Variants in KCNMA1 observed in about 807,000 individuals in gnomAD.
KCNMA1 encodes the protein Calcium-activated potassium channel subunit alpha-1.
A neutral mutation model predicts 140.0 loss-of-function variants in KCNMA1; 29 were observed. The ratio of observed to expected loss-of-function variants is 0.21; its 90% CI spans 0.15 to 0.28. The LOEUF is 0.28. Among genes scored for constraint, KCNMA1 ranks in the 10% least tolerant of loss-of-function variants. The pLI is 1.00. For missense variants in KCNMA1, 880 were observed against 1,602.2 expected, an observed-to-expected ratio of 0.55 and a Z score of 7.70; for synonymous variants, 612 against 611.9, an observed-to-expected ratio of 1.00 and a Z score of 0.00.
intron 21 of KCNMA1, among the ~76,000 whole-genome samples, chr10:76,950,381 A>C (rs938357077): frequency 6.6e-6 from 1 of 152,114 alleles, no homozygotes; most frequent in African/African-American, 2.4e-5. Flanking sequence ...CCAACTCCAA[A>C]CCTCTATCTA....
At chr10:77,054,027 A>G (rs1345722498) in intron 14 of KCNMA1, among the ~76,000 whole-genome samples, 1 of 152,030 alleles carries the variant, frequency 6.6e-6, no homozygotes, top group African/African-American at 2.4e-5. Context: ...CACTTCACAA[A>G]CCAGGGATAA....
chr10:76,966,262 A>G (rs1350477203), intron 20 of KCNMA1, among the ~76,000 whole-genome samples: 1 of 152,212 alleles, frequency 6.6e-6, no homozygotes, highest in African/African-American at 2.4e-5. Context: ...GTGAGGATTC[A>G]GTGTGAGAAC....
intron 25 of KCNMA1, among the ~76,000 whole-genome samples, chr10:76,907,931 C>A (rs779412735): frequency 3.9e-5 from 6 of 152,086 alleles, no homozygotes; most frequent in Admixed American, 1.3e-4. Flanking sequence ...GTAGCCAGTC[C>A]TGCTAGAAAC....
intron 1 of KCNMA1, among the ~76,000 whole-genome samples, chr10:77,477,877 G>T (rs2098310998): frequency 6.6e-6 from 1 of 152,182 alleles, no homozygotes; most frequent in African/African-American, 2.4e-5. Context: ...TTCAGACCCG[G>T]TTAAATGTGC....
At chr10:77,073,956 T>A (rs1477506430) in intron 13 of KCNMA1, among the ~76,000 whole-genome samples, 1 of 152,186 alleles carries the variant, frequency 6.6e-6, no homozygotes, top group Admixed American at 6.5e-5. Flanking sequence ...CCCAGAGGCA[T>A]GCTCATCCAA....
intron 2 of KCNMA1, among the ~76,000 whole-genome samples, chr10:77,306,314 A>G (rs750362883): frequency 3.9e-5 from 6 of 152,230 alleles, no homozygotes; most frequent in Non-Finnish European, 7.3e-5. Flanking sequence ...GCAAAGGGAA[A>G]GTACAGCAAG....
intron 14 of KCNMA1, 26 bp downstream of exon 14, chr10:77,073,071 T>C: frequency 1.2e-6 from 2 of 1,610,826 alleles, no homozygotes; most frequent in Non-Finnish European, 1.7e-6. Flanking sequence ...CCCGAGCTAA[T>C]GTGCTCTAAT....
chr10:76,946,065 T>C (rs952409372), intron 22 of KCNMA1, among the ~76,000 whole-genome samples: 9 of 151,880 alleles, frequency 5.9e-5, no homozygotes, highest in African/African-American at 2.2e-4. Context: ...TTTTTTAACA[T>C]AAAAAATAAC....
At chr10:77,171,359 C>CA (rs1318208070) in intron 5 of KCNMA1, among the ~76,000 whole-genome samples, 6 of 151,298 alleles carry the variant, frequency 4.0e-5, no homozygotes, top group African/African-American at 1.5e-4. Context: ...AAGAGCCTCA[C>CA]AGAATAGATT....
rs1480996634 is a variant in KCNMA1, at chr10:76,969,998, G to A, written c.2336C>T (p.Pro779Leu). 1.9e-6 allele frequency: 3 copies of A among 1,613,884 alleles called. No homozygotes were observed. Among genetic ancestry groups the A allele is most frequent in the Non-Finnish European group, 2.5e-6 (3 of 1,179,930 alleles). The change falls in exon 20 of 28, where the codon CCC becomes CTC. Residue 779 changes from proline (P) to leucine (L), a missense_variant. Physicochemically the swap from Pro to Leu is moderately conservative, Grantham distance 98. Around this residue, in one of 13 missense-constraint regions of KCNMA1, gnomAD observed 196 missense variants for 233.0 expected, o/e 0.84. Coordinates refer to ENST00000286628, the MANE Select transcript of KCNMA1 (RefSeq NM_001161352.2). ...CCTCATCAGCTTAGGCGAGGTGTTGGGTGAGTTCCGCATGCCTCCATTCCG... is the reference window on the plus strand; with the variant it reads ...CCTCATCAGCTTAGGCGAGGTGTTGAGTGAGTTCCGCATGCCTCCATTCCG... ...KQRNGGMRNS[P>L]NTSPKLMRHD...
chr10:77,478,913 T>A (rs1469170529), intron 1 of KCNMA1, among the ~76,000 whole-genome samples: 2 of 152,186 alleles, frequency 1.3e-5, no homozygotes, highest in Non-Finnish European at 2.9e-5. Flanking sequence ...CCAGTGTCAC[T>A]TGGAAATGCT....
rs182656447 is a variant in KCNMA1, at chr10:76,935,087, C to T, written c.2902+9686G>A. On this transcript the variant is annotated intron_variant, in intron 23 of 27. Transcript: ENST00000286628. Reference sequence around the variant, plus strand: ...AGGCTAAGCACAGTGCTTCACATTGCCCCCAGATTTACTCATTTGTCCAGT... The same window carrying T: ...AGGCTAAGCACAGTGCTTCACATTGTCCCCAGATTTACTCATTTGTCCAGT... Among the ~76,000 whole-genome samples, 41 of 152,252 alleles carry T rather than the reference C, an allele frequency of 2.7e-4. No homozygotes were observed. In the East Asian group the frequency reaches 7.1e-3, roughly 27 times the overall value.
intron 2 of KCNMA1, among the ~76,000 whole-genome samples, chr10:77,336,453 T>A (rs530505874): frequency 6.8e-6 from 1 of 146,180 alleles, no homozygotes. Context: ...AGAAGATGAA[T>A]GCAAAGAAAG....
intron 13 of KCNMA1, chr10:77,078,189 G>A (rs1056836253): frequency 2.0e-5 from 3 of 152,348 alleles, no homozygotes; most frequent in East Asian, 1.9e-4. Flanking sequence ...ATAAGAGGGG[G>A]TACGCTGTTA....
At chr10:77,151,465 A>T (rs2098417667) in intron 5 of KCNMA1, among the ~76,000 whole-genome samples, 1 of 31,066 alleles carries the variant, frequency 3.2e-5, no homozygotes, top group African/African-American at 1.8e-4. Context: ...TGACCTTGTG[A>T]TCTGCCCCCC....
chr10:77,286,376 C>A (rs1162901603), intron 2 of KCNMA1, among the ~76,000 whole-genome samples: 2 of 152,196 alleles, frequency 1.3e-5, no homozygotes, highest in Non-Finnish European at 2.9e-5. Flanking sequence ...AAGACATTCT[C>A]TCTGTGTTAA....
intron 1 of KCNMA1, among the ~76,000 whole-genome samples, chr10:77,476,809 A>G (rs936043433): frequency 7.9e-5 from 12 of 152,146 alleles, no homozygotes; most frequent in Non-Finnish European, 1.8e-4. Context: ...TGTTTCTTCC[A>G]TGAATGAATG....
At chr10:77,215,806 C>T (rs1001551941) in intron 3 of KCNMA1, among the ~76,000 whole-genome samples, 16 of 151,908 alleles carry the variant, frequency 1.1e-4, no homozygotes, top group Non-Finnish European at 2.1e-4. Context: ...AAGAGTGGGG[C>T]CTTATGATGG....
At chr10:77,229,386 TAG>T (rs2052734701) in intron 3 of KCNMA1, among the ~76,000 whole-genome samples, 1 of 145,778 alleles carries the variant, frequency 6.9e-6, no homozygotes, top group Non-Finnish European at 1.5e-5. Flanking sequence ...ATACCAAAAA[TAG>T]TAGTAACAAT....
Sources: allele counts gnomAD v4.1 joint callset (sites outside exome capture counted in the v4.1 genomes callset), GRCh38; gene constraint gnomAD v4.1.1; regional missense constraint gnomAD v4.1.1; transcripts MANE v1.5; gene names NCBI Gene and HGNC (gene_info 2026-07-23, HGNC 2026-07-21).